Variants in CMC1 observed in about 807,000 individuals in gnomAD.
CMC1 encodes C-X9-C motif containing 1, also known as COX assembly mitochondrial protein homolog.
In CMC1, 14 loss-of-function variants were observed where a neutral mutation model predicts 14.1. That is an observed-to-expected ratio of 0.99 (90% CI 0.66 to 1.55). The LOEUF (loss-of-function observed/expected upper bound fraction) is 1.55, where lower values mean the gene tolerates loss of function less well. Among genes scored for constraint, CMC1 ranks in the 40% most tolerant of loss-of-function variants. CMC1 has a pLI of 0.00. For missense variants in CMC1, 127 were observed against 123.8 expected (o/e 1.03, Z -0.12); for synonymous variants, 50 against 38.4 (o/e 1.30, Z -1.12).
At chr3:28,319,237 C>T in intron 3 of CMC1, 1 of 494,290 alleles carries the variant, frequency 2.0e-6, no homozygotes, top group Non-Finnish European at 4.0e-6. Context: ...AATTTTAATC[C>T]AGTCTTTACT....
chr3:28,267,192 C>CTA (rs771833988), intron 2 of CMC1, among the ~76,000 whole-genome samples: 62 of 152,054 alleles, frequency 4.1e-4, no homozygotes, highest in Non-Finnish European at 7.9e-4. Context: ...TATTGTTTGC[C>CTA]GTATATAGGT....
chr3:28,298,749 T>C (rs1701876075), intron 2 of CMC1, among the ~76,000 whole-genome samples: 1 of 152,086 alleles, frequency 6.6e-6, no homozygotes, highest in Non-Finnish European at 1.5e-5. Flanking sequence ...ATGTTCTGTT[T>C]AGTAGTAACA....
intron 1 of CMC1, among the ~76,000 whole-genome samples, chr3:28,256,464 A>C (rs188362666): frequency 6.6e-6 from 1 of 152,278 alleles, no homozygotes; most frequent in Non-Finnish European, 1.5e-5. Flanking sequence ...GTGAATCTGC[A>C]AAATACCTTC....
intron 2 of CMC1, among the ~76,000 whole-genome samples, chr3:28,296,772 A>T (rs1701759263): frequency 6.6e-6 from 1 of 152,086 alleles, no homozygotes; most frequent in South Asian, 2.1e-4. Context: ...AACAATGTAA[A>T]CTTATTAGAA....
At chr3:28,276,910 CAA>C (rs1415157243) in intron 2 of CMC1, among the ~76,000 whole-genome samples, 4 of 152,094 alleles carry the variant, frequency 2.6e-5, no homozygotes, top group African/African-American at 9.7e-5. Flanking sequence ...GCGTAATGTA[CAA>C]AAGAGATAAA....
At chr3:28,307,590 ATATGATTATGTGCT>A (rs1702393990) in intron 2 of CMC1, among the ~76,000 whole-genome samples, 1 of 152,250 alleles carries the variant, frequency 6.6e-6, no homozygotes, top group Non-Finnish European at 1.5e-5. Context: ...CTTATAGTCA[ATATGATTATGTGCT>A]TATATGATCA....
intron 1 of CMC1, among the ~76,000 whole-genome samples, chr3:28,257,668 G>A (rs1000712427): frequency 2.0e-5 from 3 of 152,044 alleles, no homozygotes; most frequent in Admixed American, 6.5e-5. Context: ...TTAGGCGCAC[G>A]CCACCATGCC....
At chr3:28,290,935 A>G (rs996562122) in intron 2 of CMC1, among the ~76,000 whole-genome samples, 1 of 151,958 alleles carries the variant, frequency 6.6e-6, no homozygotes, top group Admixed American at 6.6e-5. Context: ...TGTGTTGGCT[A>G]AGGAGGGTCT....
intron 2 of CMC1, among the ~76,000 whole-genome samples, chr3:28,264,122 TGGAA>T (rs1350438883): frequency 1.3e-5 from 2 of 152,154 alleles, no homozygotes; most frequent in Non-Finnish European, 2.9e-5. Context: ...TTCTGTCTCT[TGGAA>T]GGGCCATCAA....
At chr3:28,243,841 TACAC>T (rs1316416679) in intron 1 of CMC1, among the ~76,000 whole-genome samples, 1 of 152,190 alleles carries the variant, frequency 6.6e-6, no homozygotes, top group Non-Finnish European at 1.5e-5. Flanking sequence ...CACACACACA[TACAC>T]ACACACATTT....
At chr3:28,281,444 T>G (rs1700889461) in intron 2 of CMC1, among the ~76,000 whole-genome samples, 1 of 152,220 alleles carries the variant, frequency 6.6e-6, no homozygotes, top group South Asian at 2.1e-4. Context: ...TAACTAGACA[T>G]TGCTTCAGTA....
chr3:28,317,901 C>A (rs893993804), intron 3 of CMC1: 1 of 151,506 alleles, frequency 6.6e-6, no homozygotes, highest in Non-Finnish European at 1.5e-5. Flanking sequence ...CCTCTCTCAC[C>A]CCCTAGAAAT....
At chr3:28,244,309 G>A (rs1050741103) in intron 1 of CMC1, among the ~76,000 whole-genome samples, 1 of 152,200 alleles carries the variant, frequency 6.6e-6, no homozygotes, top group Non-Finnish European at 1.5e-5. Context: ...GATAGGAGCA[G>A]TAGTCCAGGC....
chr3:28,278,258 G>C lies in CMC1; in HGVS notation c.109+14878G>C, dbSNP rs559269286. Among the ~76,000 whole-genome samples the C allele has an allele frequency of 1.3e-3, 199 of 152,290 alleles. 1 individual carries two copies. Among genetic ancestry groups the C allele is most frequent in the Non-Finnish European group, 2.7e-3 (186 of 68,016 alleles). On this transcript the variant is annotated intron_variant, in intron 2 of 3. Coordinates refer to ENST00000466830, the MANE Select transcript of CMC1 (RefSeq NM_182523.2). ...AGTTATAGTTAGCAGAGATGAAGAA[G>C]ACTGTGTGTGGAGAAATTATATTAT...
chr3:28,317,900 C>T (rs926266721), intron 3 of CMC1: 1 of 151,778 alleles, frequency 6.6e-6, no homozygotes, highest in Non-Finnish European at 1.5e-5. Flanking sequence ...CCCTCTCTCA[C>T]CCCCTAGAAA....
Position 28,311,921 on chromosome 3 carries a change from A to G in CMC1, c.110-4412A>G, listed in dbSNP as rs115920479. Among the ~76,000 whole-genome samples, 917 of 152,230 alleles carry G rather than the reference A, an allele frequency of 6.0e-3. 13 individuals are homozygous for G. Among genetic ancestry groups the G allele is most frequent in the African/African-American group, 0.021 (878 of 41,552 alleles). ...TAACTGTTCAAAAGATCTTTTCTACATTATGTTTAAAGTACCTCTCTGCTT... is the reference window on the plus strand; with the variant it reads ...TAACTGTTCAAAAGATCTTTTCTACGTTATGTTTAAAGTACCTCTCTGCTT... On this transcript the variant is annotated intron_variant, in intron 2 of 3. Coordinates refer to ENST00000466830, the MANE Select transcript of CMC1 (RefSeq NM_182523.2).
In CMC1 at chr3:28,322,014, A is replaced by T. The variant is rs1703202416; in HGVS notation, c.*2385A>T. On this transcript the variant is annotated 3_prime_UTR_variant, in exon 4 of 4. Coordinates refer to ENST00000466830, the MANE Select transcript of CMC1 (RefSeq NM_182523.2). ...ATATTCAATTTTAAATAGATTCATA[A>T]GCTACAGATGGGCCACTGTTTTTTG... 6.6e-6 allele frequency: 1 copy of T among 151,350 alleles called. No individual in the cohort carries two copies. Among genetic ancestry groups the T allele is most frequent in the South Asian group, 2.1e-4 (1 of 4,834 alleles). 9.4% of individuals were successfully genotyped at this position (151,350 alleles called of 1,614,324 possible).
At chr3:28,244,917 C>T (rs1576960446) in intron 1 of CMC1, among the ~76,000 whole-genome samples, 6 of 142,188 alleles carry the variant, frequency 4.2e-5, no homozygotes, top group Non-Finnish European at 3.0e-5. Flanking sequence ...ATTGTTTTGT[C>T]TGTTTAAATT....
intron 1 of CMC1, among the ~76,000 whole-genome samples, chr3:28,253,116 G>A (rs563429973): frequency 5.3e-5 from 8 of 152,286 alleles, no homozygotes; most frequent in Admixed American, 1.3e-4. Context: ...GGAATATCTG[G>A]TCATGAGCAT....
Sources: gnomAD v4.1 joint callset for allele counts (sites outside exome capture counted in the v4.1 genomes callset) on GRCh38, gnomAD v4.1.1 for gene constraint, MANE v1.5 for transcripts, NCBI Gene and HGNC (gene_info 2026-07-23, HGNC 2026-07-21) for gene names.